SDK1: variants seen among roughly 807,000 people sequenced by gnomAD.
The protein encoded by SDK1 is sidekick cell adhesion molecule 1.
In SDK1, 157 loss-of-function variants were observed where a neutral mutation model predicts 245.5. The observed-to-expected ratio is 0.64, with a 90% CI of 0.56 to 0.73. The LOEUF (loss-of-function observed/expected upper bound fraction) is 0.73. SDK1 is among the 30% of genes least tolerant of loss of function. The probability of loss-of-function intolerance (pLI) is 0.00; values close to 1 mark genes in which losing one functional copy is unlikely to be tolerated. For synonymous variants in SDK1, 1,647 were observed against 1,278.5 expected (o/e 1.29, Z -6.15); for missense variants, 3,583 against 3,002.3 (o/e 1.19, Z -4.52).
chr7:4,221,414 G>A (rs1392060867), intron 40 of SDK1, 50 bp downstream of exon 40: 1 of 1,555,666 alleles, frequency 6.4e-7, no homozygotes, highest in Admixed American at 1.9e-5. Flanking sequence ...GGACGGCAGT[G>A]CTTCTAAGAC....
At chr7:3,319,475 C>G (rs1779740929) in intron 1 of SDK1, among the ~76,000 whole-genome samples, 1 of 152,178 alleles carries the variant, frequency 6.6e-6, no homozygotes, top group Non-Finnish European at 1.5e-5. Flanking sequence ...CCTAACCAAG[C>G]TGGCTTACCT....
chr7:3,946,340 G>A (rs1327682221), intron 5 of SDK1, among the ~76,000 whole-genome samples: 1 of 151,944 alleles, frequency 6.6e-6, no homozygotes, highest in African/African-American at 2.4e-5. Context: ...ACTAAACCTG[G>A]CTAATAAAAA....
intron 4 of SDK1, among the ~76,000 whole-genome samples, chr7:3,744,855 C>G (rs184851832): frequency 1.3e-5 from 2 of 151,700 alleles, no homozygotes; most frequent in Non-Finnish European, 2.9e-5. Flanking sequence ...AAAAGAAAAA[C>G]AATTTAAAAA....
intron 1 of SDK1, among the ~76,000 whole-genome samples, chr7:3,326,359 T>C (rs1779940659): frequency 6.6e-6 from 1 of 152,170 alleles, no homozygotes; most frequent in Admixed American, 6.6e-5. Flanking sequence ...AATCTGTAAA[T>C]GTAGATATAT....
chr7:3,905,472 A>G (rs910129930), intron 5 of SDK1, among the ~76,000 whole-genome samples: 4 of 152,100 alleles, frequency 2.6e-5, no homozygotes, highest in South Asian at 2.1e-4. Flanking sequence ...ATCTGCTTTC[A>G]GTATAATTAT....
intron 38 of SDK1, among the ~76,000 whole-genome samples, chr7:4,218,723 C>T (rs1784978262): frequency 6.6e-6 from 1 of 152,098 alleles, no homozygotes; most frequent in Non-Finnish European, 1.5e-5. Context: ...ACGGTGGGTG[C>T]CACTCACCAA....
At chr7:3,763,926 G>T (rs1780178180) in intron 4 of SDK1, among the ~76,000 whole-genome samples, 1 of 152,120 alleles carries the variant, frequency 6.6e-6, no homozygotes, top group African/African-American at 2.4e-5. Flanking sequence ...AAATATCACT[G>T]CCACTGTTAC....
intron 1 of SDK1, among the ~76,000 whole-genome samples, chr7:3,356,812 C>G (rs1045276702): frequency 3.3e-5 from 5 of 152,028 alleles, no homozygotes; most frequent in Admixed American, 6.5e-5. Flanking sequence ...AATCCCAGCA[C>G]TTTGGGAGGC....
At chr7:4,117,012 T>G (rs1339192237) in intron 25 of SDK1, among the ~76,000 whole-genome samples, 1 of 152,224 alleles carries the variant, frequency 6.6e-6, no homozygotes, top group African/African-American at 2.4e-5. Context: ...AAAATCTCTG[T>G]TATCTTCACT....
rs114244421 is a variant in SDK1, at chr7:4,233,202, T to C, written c.5828-53T>C. 2.0e-3 allele frequency: 3,196 copies of C among 1,562,342 alleles called. 50 individuals carry two copies. The African/African-American group carries it at 0.039, about 19-fold the overall frequency. On this transcript the variant is annotated intron_variant, in intron 40 of 44. Transcript: ENST00000404826. ...ACCAGGCAGGTGCATGGGGCTCGCA[T>C]CTGGGACTTCGCACTTCTAACCTCT...
intron 1 of SDK1, among the ~76,000 whole-genome samples, chr7:3,489,486 T>C (rs1781803875): frequency 6.6e-6 from 1 of 152,312 alleles, no homozygotes; most frequent in Admixed American, 6.5e-5. Flanking sequence ...AATTCAGAAT[T>C]TTAGGATTTT....
intron 4 of SDK1, among the ~76,000 whole-genome samples, chr7:3,796,436 C>A (rs57860885): frequency 0.015 from 2,217 of 152,288 alleles, 43 homozygotes; most frequent in East Asian, 0.073. Context: ...CTTTGCTGGA[C>A]GCAGAGCTCC....
intron 32 of SDK1, among the ~76,000 whole-genome samples, chr7:4,163,670 C>T (rs117425858): frequency 3.3e-5 from 5 of 152,242 alleles, no homozygotes; most frequent in East Asian, 1.9e-4. Context: ...GGGAGAGAGA[C>T]GTGCTGAGTG....
chr7:3,416,495 G>T (rs1407484107), intron 1 of SDK1, among the ~76,000 whole-genome samples: 1 of 150,838 alleles, frequency 6.6e-6, no homozygotes, highest in East Asian at 1.9e-4. Context: ...GGGAAACAAG[G>T]GGTGGAGGCC....
At chr7:3,500,731 C>T (rs950729338) in intron 1 of SDK1, among the ~76,000 whole-genome samples, 2 of 152,042 alleles carry the variant, frequency 1.3e-5, no homozygotes, top group Non-Finnish European at 2.9e-5. Context: ...TTAATGACTT[C>T]ATCCTTTAAT....
intron 18 of SDK1, among the ~76,000 whole-genome samples, chr7:4,050,558 C>G (rs1207141021): frequency 6.6e-6 from 1 of 152,164 alleles, no homozygotes; most frequent in Non-Finnish European, 1.5e-5. Context: ...ATGTTTGGTG[C>G]CAAAGGAATT....
At chr7:3,682,143 A>G (rs1169095159) in intron 4 of SDK1, among the ~76,000 whole-genome samples, 1 of 152,226 alleles carries the variant, frequency 6.6e-6, no homozygotes, top group Non-Finnish European at 1.5e-5. Flanking sequence ...ATCAGCATTT[A>G]CAAAAATGGT....
At position 3,784,802 on chromosome 7, in the gene SDK1, C is replaced by CA. The variant is rs35767936; in HGVS notation, c.714-36640dup. Reference sequence around the variant, plus strand: ...TGTGGAAAACTATGTGGAGATTCCTCAAAAAAAATGAGAAATAGAACTGCC... The same window carrying CA: ...TGTGGAAAACTATGTGGAGATTCCTCAAAAAAAAATGAGAAATAGAACTGCC... On this transcript the variant is annotated intron_variant, in intron 4 of 44. Coordinates refer to ENST00000404826, the MANE Select transcript of SDK1 (RefSeq NM_152744.4). Among the ~76,000 whole-genome samples, 30 of 152,006 alleles carry CA rather than the reference C, an allele frequency of 2.0e-4. 1 individual carries two copies. Among genetic ancestry groups the CA allele is most frequent in the South Asian group, 1.0e-3 (5 of 4,810 alleles).
intron 1 of SDK1, among the ~76,000 whole-genome samples, chr7:3,445,751 A>G (rs1399805353): frequency 6.6e-6 from 1 of 152,162 alleles, no homozygotes; most frequent in Non-Finnish European, 1.5e-5. Flanking sequence ...TAAGAATCAC[A>G]TTAGACAATA....
Sources: gnomAD v4.1 joint callset for allele counts (sites outside exome capture counted in the v4.1 genomes callset) on GRCh38, gnomAD v4.1.1 for gene constraint, MANE v1.5 for transcripts, NCBI Gene and HGNC (gene_info 2026-07-23, HGNC 2026-07-21) for gene names.